Variants in LRCH3 observed in about 807,000 individuals in gnomAD.
The protein encoded by LRCH3 is leucine rich repeats and calponin homology domain containing 3.
A neutral mutation model predicts 104.5 loss-of-function variants in LRCH3; 68 were observed. The ratio of observed to expected loss-of-function variants is 0.65; its 90% confidence interval spans 0.54 to 0.80. The LOEUF (loss-of-function observed/expected upper bound fraction) is 0.80, where lower values mean the gene tolerates loss of function less well. Ranked by LOEUF, LRCH3 falls within the 30% of genes least tolerant of loss-of-function variation. The pLI is 0.00. For missense variants in LRCH3, 951 were observed against 953.9 expected, an observed-to-expected ratio of 1.00 and a Z score of 0.04; for synonymous variants, 344 against 361.3, an observed-to-expected ratio of 0.95 and a Z score of 0.54.
intron 20 of LRCH3, chr3:197,881,477 T>C: frequency 2.0e-6 from 2 of 985,502 alleles, no homozygotes; most frequent in South Asian, 9.4e-5. Context: ...TTGTTATGTG[T>C]GACTGAGGTT....
intron 20 of LRCH3, among the ~76,000 whole-genome samples, chr3:197,878,562 G>A (rs528552387): frequency 1.5e-4 from 23 of 152,194 alleles, no homozygotes; most frequent in African/African-American, 5.3e-4. Flanking sequence ...GGAAATGGAC[G>A]TTCCCATAGG....
intron 13 of LRCH3, among the ~76,000 whole-genome samples, chr3:197,853,179 G>GTT (rs1222966013): frequency 6.6e-6 from 1 of 151,782 alleles, no homozygotes. Context: ...AAACCTACCA[G>GTT]TTTTTTCTTT....
rs749453791 is a variant in LRCH3 at position 197,847,923 on chromosome 3, C to T, written c.1432C>T (p.Arg478Cys). 3.8e-5 allele frequency: 62 copies of T among 1,613,880 alleles called. No individual in the cohort carries two copies. The South Asian group carries it at 4.7e-4, about 12-fold the overall frequency. ...TCAGAGAAGGGAGCAGTTAGTAGAGCGCACTCGGAGAGAGGCTCAGCTTGC... is the reference window on the plus strand; with the variant it reads ...TCAGAGAAGGGAGCAGTTAGTAGAGTGCACTCGGAGAGAGGCTCAGCTTGC... ...LHQRREQLVE[R>C]TRREAQLAAL... is the part of the protein sequence containing the mutation. The change falls in exon 12 of 21, where the codon CGC (arginine) becomes TGC (cysteine). Residue 478 changes from arginine to cysteine, a missense_variant. By Grantham distance (180) the Arg-to-Cys change is radical. Transcript: ENST00000425562.
intron 19 of LRCH3, among the ~76,000 whole-genome samples, chr3:197,872,827 C>T (rs1239131169): frequency 6.7e-6 from 1 of 149,584 alleles, no homozygotes; most frequent in Non-Finnish European, 1.5e-5. Context: ...TGCACTCCAG[C>T]CTGGGCAAGA....
rs55896070 is a variant in LRCH3, at chr3:197,817,329, C to CGTGTGTGT, written c.534+27_534+28insGTGTGTGT. On this transcript the variant is annotated intron_variant, in intron 3 of 20. Coordinates refer to ENST00000425562, the MANE Select transcript of LRCH3 (RefSeq NM_001365715.1). The stretch of plus-strand genomic sequence containing the variant: ...TAAGTTAATATTTTTGATTGTCCAA[C>CGTGTGTGT]ATGTGTGTGTGTGTGTCTGTGTGTG... The CGTGTGTGT allele has an allele frequency of 1.6e-5, 21 of 1,296,064 alleles. No homozygotes were observed. In the East Asian group the frequency reaches 1.8e-4, roughly 11 times the overall value. 80.3% of individuals were successfully genotyped at this position (1,296,064 alleles called of 1,614,324 possible). A position where few individuals can be genotyped will look rare whatever the true frequency, so the allele number is the denominator to read the frequency against.
At chr3:197,807,032 C>T (rs975255150) in intron 1 of LRCH3, among the ~76,000 whole-genome samples, 1 of 59,404 alleles carries the variant, frequency 1.7e-5, no homozygotes, top group African/African-American at 6.7e-5. Context: ...GGGCGAGACC[C>T]TGTGTCAAAA....
intron 8 of LRCH3, among the ~76,000 whole-genome samples, chr3:197,834,930 G>A (rs1383135496): frequency 6.6e-6 from 1 of 152,098 alleles, no homozygotes; most frequent in Non-Finnish European, 1.5e-5. Flanking sequence ...GATCGCTTGA[G>A]CCCAGGAGTT....
intron 16 of LRCH3, among the ~76,000 whole-genome samples, chr3:197,865,900 T>C (rs1036269421): frequency 3.9e-5 from 6 of 152,144 alleles, no homozygotes; most frequent in Non-Finnish European, 7.3e-5. Context: ...CTGCCTTTAT[T>C]GATAACACCA....
At chr3:197,842,652 T>G (rs897798991) in intron 10 of LRCH3, among the ~76,000 whole-genome samples, 9 of 151,978 alleles carry the variant, frequency 5.9e-5, no homozygotes, top group Non-Finnish European at 1.2e-4. Context: ...CCACATAGAG[T>G]CTACCCTACT....
intron 20 of LRCH3, among the ~76,000 whole-genome samples, chr3:197,879,918 C>CT (rs1713460323): frequency 6.6e-6 from 1 of 151,492 alleles, no homozygotes; most frequent in Non-Finnish European, 1.5e-5. Context: ...TCACACGACC[C>CT]TAAACCAACA....
intron 17 of LRCH3, among the ~76,000 whole-genome samples, chr3:197,868,329 CAG>C: frequency 6.6e-6 from 1 of 152,074 alleles, no homozygotes; most frequent in Non-Finnish European, 1.5e-5. Context: ...TTGTAAGTAA[CAG>C]AGATGATTTA....
chr3:197,800,909 C>G (rs1448397167), intron 1 of LRCH3, among the ~76,000 whole-genome samples: 1 of 152,046 alleles, frequency 6.6e-6, no homozygotes, highest in African/African-American at 2.4e-5. Flanking sequence ...GCCTGACCAA[C>G]ATGGTGAAAC....
In LRCH3 at chr3:197,885,758, C is replaced by T. The variant is rs922864975; in HGVS notation, c.*2092C>T. The T allele has an allele frequency of 1.3e-5, 2 of 152,226 alleles. No individual in the cohort carries two copies. Among genetic ancestry groups the T allele is most frequent in the African/African-American group, 2.4e-5 (1 of 41,460 alleles). The allele number at this position is 152,226 out of a possible 1,614,324, so 9.4% of individuals were successfully genotyped here. A position where few individuals can be genotyped will look rare whatever the true frequency, so the allele number is the denominator to read the frequency against. ...TTTTCCTTCCCCTGCATTTTGAACT[C>T]CTTTTAGTTGTTGGTGATATCCTTT... On this transcript the variant is annotated 3_prime_UTR_variant, in exon 21 of 21. Transcript: ENST00000425562.
rs979092708 is a variant in LRCH3, at chr3:197,791,357, G to A, written c.79G>A (p.Gly27Ser). The part of the protein sequence containing the change: ...GTVASGGNLP[G>S]VHCGPSSGAG... ...GGTAGCGTCGGGAGGTAACCTCCCTGGTGTTCACTGCGGCCCAAGCTCCGG... is the reference window on the plus strand; with the variant it reads ...GGTAGCGTCGGGAGGTAACCTCCCTAGTGTTCACTGCGGCCCAAGCTCCGG... The change falls in exon 1 of 21, where the codon GGT (glycine) becomes AGT (serine). Residue 27 changes from glycine to serine, a missense_variant. Gly to Ser is a moderately conservative substitution (Grantham distance 56). Transcript: ENST00000425562. 1.4e-5 allele frequency: 22 copies of A among 1,605,332 alleles called. No homozygotes were observed. The Admixed American group carries it at 2.7e-4, about 20-fold the overall frequency.
chr3:197,835,751 A>C lies in LRCH3; in HGVS notation c.1180A>C (p.Lys394Gln). 6.2e-7 allele frequency: 1 copy of C among 1,614,116 alleles called. No homozygotes were observed. Among genetic ancestry groups the C allele is most frequent in the Non-Finnish European group, 8.5e-7 (1 of 1,180,016 alleles). The change falls in exon 9 of 21, where the codon AAG (lysine) becomes CAG (glutamine). Residue 394 changes from lysine to glutamine, a missense_variant. By Grantham distance (53) the Lys-to-Gln change is moderately conservative (BLOSUM62 1). Coordinates refer to ENST00000425562, the MANE Select transcript of LRCH3 (RefSeq NM_001365715.1). Reference protein sequence around the residue: ...EEEEAEVRQPKGPDPDSLSSQ... With the variant: ...EEEEAEVRQPQGPDPDSLSSQ... The stretch of plus-strand genomic sequence containing the variant: ...AGAGGAGGCCGAGGTGAGACAGCCC[A>C]AGGGACCAGACCCAGACAGCCTTAG...
chr3:197,845,036 G>A (rs544975559), intron 10 of LRCH3, among the ~76,000 whole-genome samples: 9 of 152,266 alleles, frequency 5.9e-5, no homozygotes, highest in Admixed American at 1.3e-4. Flanking sequence ...CTGAAAGGAC[G>A]GGACGCAGAT....
chr3:197,813,436 C>T (rs1476333837), intron 1 of LRCH3, among the ~76,000 whole-genome samples: 1 of 149,346 alleles, frequency 6.7e-6, no homozygotes, highest in Non-Finnish European at 1.5e-5. Context: ...GATCCAGATG[C>T]TTAATCAGAC....
chr3:197,832,436 G>C, intron 8 of LRCH3, 119 bp downstream of exon 8: 1 of 969,526 alleles, frequency 1.0e-6, no homozygotes, highest in Non-Finnish European at 1.5e-6. Context: ...TTCTTTTAAA[G>C]ACTTCTTTTC....
intron 1 of LRCH3, among the ~76,000 whole-genome samples, chr3:197,792,720 C>G (rs903995138): frequency 6.8e-6 from 1 of 146,288 alleles, no homozygotes; most frequent in Non-Finnish European, 1.5e-5. Flanking sequence ...GACACAATCT[C>G]TGCTCATTGC....
Sources: gnomAD v4.1 joint callset for allele counts (sites outside exome capture counted in the v4.1 genomes callset) on GRCh38, gnomAD v4.1.1 for gene constraint, MANE v1.5 for transcripts, NCBI Gene and HGNC (gene_info 2026-07-23, HGNC 2026-07-21) for gene names.